Variants in MYCBP2 observed in about 807,000 individuals in gnomAD.
MYCBP2 encodes the protein MYC binding protein 2.
Under a neutral mutation model 525.3 loss-of-function variants are expected in MYCBP2, and 120 were observed. The observed-to-expected ratio is 0.23, with a 90% CI of 0.20 to 0.27. MYCBP2 has a LOEUF of 0.27. MYCBP2 is among the 10% of genes least tolerant of loss of function. The pLI is 1.00. For missense variants in MYCBP2, 4,149 were observed against 5,657.1 expected, an observed-to-expected ratio of 0.73 and a Z score of 8.55; for synonymous variants, 1,894 against 1,955.8, an observed-to-expected ratio of 0.97 and a Z score of 0.83.
At chr13:77,196,559 T>C (rs2061771403) in intron 26 of MYCBP2, among the ~76,000 whole-genome samples, 1 of 152,188 alleles carries the variant, frequency 6.6e-6, no homozygotes, top group Non-Finnish European at 1.5e-5. Context: ...GGATTTATTT[T>C]GAAAGTGGAA....
At chr13:77,151,196 C>A (rs2056401665) in intron 46 of MYCBP2, among the ~76,000 whole-genome samples, 1 of 152,008 alleles carries the variant, frequency 6.6e-6, no homozygotes, top group Non-Finnish European at 1.5e-5. Flanking sequence ...TCAGAGATAT[C>A]AAAACATAAA....
intron 79 of MYCBP2, among the ~76,000 whole-genome samples, chr13:77,056,099 G>GGTGTGTGTGTGTGTGTGT (rs56952443): frequency 1.5e-4 from 18 of 120,594 alleles, no homozygotes; most frequent in East Asian, 7.5e-4. Flanking sequence ...CTCTGTGTTT[G>GGTGTGTGTGTGTGTGTGT]GTGTGTGTGT....
intron 1 of MYCBP2, among the ~76,000 whole-genome samples, chr13:77,323,330 C>T (rs1275342926): frequency 6.6e-6 from 1 of 152,196 alleles, no homozygotes; most frequent in Non-Finnish European, 1.5e-5. Context: ...CAACTGTACA[C>T]CTAAAGCAAA....
chr13:77,209,860 C>T (rs191910101), intron 23 of MYCBP2, among the ~76,000 whole-genome samples: 223 of 152,286 alleles, frequency 1.5e-3, no homozygotes, highest in Non-Finnish European at 1.9e-3. Context: ...TTTTGGAACA[C>T]GGAAGAAAAT....
chr13:77,056,091 C>CTG (rs1311864247), intron 79 of MYCBP2, among the ~76,000 whole-genome samples: 2 of 141,152 alleles, frequency 1.4e-5, no homozygotes, highest in African/African-American at 5.3e-5. Flanking sequence ...AAGACACGCT[C>CTG]TGTGTTTGGT....
chr13:77,233,146 G>A lies in MYCBP2; in HGVS notation c.2737+10C>T. On this transcript the variant is annotated intron_variant, in intron 18 of 82. Coordinates refer to ENST00000544440, the MANE Select transcript of MYCBP2 (RefSeq NM_015057.5). ...AGTATCCCACCTAGGTGATAAGGAA[G>A]ACCAAATACCTTTGTGCTTGTCCCG... 1 of 1,609,522 alleles carries A rather than the reference G, an allele frequency of 6.2e-7. No homozygotes were observed. The highest frequency in any genetic ancestry group is 8.5e-7 in the Non-Finnish European group (1 of 1,176,716).
At position 77,098,376 on chromosome 13, in the gene MYCBP2, T is replaced by C. The variant is rs542055800; in HGVS notation, c.8778A>G (p.Glu2926=). 3.7e-6 allele frequency: 6 copies of C among 1,613,430 alleles called. No homozygotes were observed. The South Asian group carries it at 6.6e-5, about 18-fold the overall frequency. ...NRAPSPHVVQ[E]NLHSEVVEVC... The stretch of plus-strand genomic sequence containing the variant: ...CTTCGACCACCTCACTGTGGAGGTT[T>C]TCCTGTACCACATGGGGAGAGGGAG... The change falls in exon 56 of 83, where the codon GAA becomes GAG. Residue 2926 remains glutamate, a synonymous_variant. Transcript: ENST00000544440.
At chr13:77,077,459 T>A in intron 66 of MYCBP2, 72 bp from the exon 67 acceptor site, 5 of 1,555,608 alleles carry the variant, frequency 3.2e-6, no homozygotes, top group East Asian at 2.3e-5. Flanking sequence ...GACTTAGCAT[T>A]GATACCAGCA....
chr13:77,158,887 C>T (rs2057538757), intron 44 of MYCBP2, among the ~76,000 whole-genome samples: 1 of 152,132 alleles, frequency 6.6e-6, no homozygotes, highest in Non-Finnish European at 1.5e-5. Context: ...ATCTCATTAG[C>T]CTGCCTAAGC....
Position 77,206,734 on chromosome 13 carries a change from T to C in MYCBP2, c.3508A>G (p.Ser1170Gly), listed in dbSNP as rs1342724494. 1.2e-6 allele frequency: 2 copies of C among 1,613,074 alleles called. No individual in the cohort carries two copies. The highest frequency in any genetic ancestry group is 1.7e-6 in the Non-Finnish European group (2 of 1,179,376). ...PSAADMQSRC[S>G]ILSPELALPT... is the part of the protein sequence containing the mutation. Reference sequence around the variant, plus strand: ...AAGGCAAGTTCAGGACTTAGGATACTACATCTGGACTGCATGTCTGCTGCA... The same window carrying C: ...AAGGCAAGTTCAGGACTTAGGATACCACATCTGGACTGCATGTCTGCTGCA... Residue 1170 changes from serine (S) to glycine (G), a missense_variant, in exon 24 of 83, where the codon AGT (serine) becomes GGT (glycine). Transcript: ENST00000544440.
At chr13:77,102,323 T>C (rs1193213877) in intron 55 of MYCBP2, among the ~76,000 whole-genome samples, 1 of 151,754 alleles carries the variant, frequency 6.6e-6, no homozygotes, top group African/African-American at 2.4e-5. Flanking sequence ...CCTATTTATA[T>C]GTTTATACTG....
At chr13:77,188,837 T>C in intron 30 of MYCBP2, 114 bp downstream of exon 30, 1 of 594,002 alleles carries the variant, frequency 1.7e-6, no homozygotes, top group Non-Finnish European at 2.7e-6. Context: ...CAAAACCAAA[T>C]CTGAGTTTAT....
At position 77,083,169 on chromosome 13, in the gene MYCBP2, T is replaced by C; in HGVS notation, c.10899A>G (p.Glu3633=). ...SEQEKDTRVC[E]HPLSDIVIAG... is the part of the protein sequence containing the mutation. ...CAATCACTATGTCTGAGAGTGGATG[T>C]TCACATACTCTTGTATCTTTCTCCT... The change falls in exon 63 of 83, where the codon GAA becomes GAG. Residue 3633 remains glutamate, a synonymous_variant. Transcript: ENST00000544440. 1 of 1,613,182 alleles carries C rather than the reference T, an allele frequency of 6.2e-7. No homozygotes were observed. The highest frequency in any genetic ancestry group is 8.5e-7 in the Non-Finnish European group (1 of 1,179,460).
intron 1 of MYCBP2, among the ~76,000 whole-genome samples, chr13:77,323,876 A>C (rs2081985509): frequency 6.6e-6 from 1 of 152,092 alleles, no homozygotes; most frequent in Admixed American, 6.5e-5. Context: ...TCCTTTTTTC[A>C]ATGGCTAACC....
At chr13:77,256,481 A>G (rs529337903) in intron 14 of MYCBP2, among the ~76,000 whole-genome samples, 8 of 152,212 alleles carry the variant, frequency 5.3e-5, no homozygotes, top group African/African-American at 1.9e-4. Flanking sequence ...AGTAAATATT[A>G]TCAAATAAAT....
chr13:77,286,793 T>A (rs866172527), intron 3 of MYCBP2, among the ~76,000 whole-genome samples: 41 of 95,600 alleles, frequency 4.3e-4, no homozygotes, highest in African/African-American at 9.4e-4. Flanking sequence ...AAAAAAAATA[T>A]ATATATATAT....
intron 23 of MYCBP2, among the ~76,000 whole-genome samples, chr13:77,208,368 G>A (rs2063592090): frequency 6.6e-6 from 1 of 152,170 alleles, no homozygotes; most frequent in Non-Finnish European, 1.5e-5. Context: ...AAGCTAGCTT[G>A]CAGAAATACT....
Position 77,097,910 on chromosome 13 carries a change from C to G in MYCBP2, c.9244G>C (p.Glu3082Gln), listed in dbSNP as rs762660251. The G allele has an allele frequency of 1.2e-6, 2 of 1,612,536 alleles. No individual in the cohort carries two copies. Among genetic ancestry groups the G allele is most frequent in the South Asian group, 2.2e-5 (2 of 90,896 alleles). Reference sequence around the variant, plus strand: ...GAATGTCTATTTTTTAACTTGGTTTCTTTTTCCTCTGTAGGTTGTTGGCTA... The same window carrying G: ...GAATGTCTATTTTTTAACTTGGTTTGTTTTTCCTCTGTAGGTTGTTGGCTA... ...LNSQQPTEEK[E>Q]TKLKNRHSLE... Residue 3082 changes from glutamate to glutamine, a missense_variant, in exon 56 of 83, where the codon GAA (glutamate) becomes CAA (glutamine). Coordinates refer to ENST00000544440, the MANE Select transcript of MYCBP2 (RefSeq NM_015057.5).
intron 14 of MYCBP2, among the ~76,000 whole-genome samples, chr13:77,252,481 A>G (rs2154330452): frequency 6.6e-6 from 1 of 152,332 alleles, no homozygotes; most frequent in Non-Finnish European, 1.5e-5. Flanking sequence ...TTGAAGGAAC[A>G]CAGTGTTATA....
Sources: gnomAD v4.1 joint callset for allele counts (sites outside exome capture counted in the v4.1 genomes callset) on GRCh38, gnomAD v4.1.1 for gene constraint, MANE v1.5 for transcripts, NCBI Gene and HGNC (gene_info 2026-07-23, HGNC 2026-07-21) for gene names.